BRWD1: variants seen among roughly 807,000 people sequenced by gnomAD.
BRWD1 encodes bromodomain and WD repeat-containing protein 1.
A neutral mutation model predicts 251.2 loss-of-function variants in BRWD1; 82 were observed. The observed-to-expected ratio is 0.33, with a 90% CI of 0.27 to 0.39. The LOEUF is 0.39. Among genes scored for constraint, BRWD1 ranks in the 10% least tolerant of loss-of-function variants. BRWD1 has a pLI of 1.00. For missense variants in BRWD1, 2,233 were observed against 2,711.6 expected, an observed-to-expected ratio of 0.82 and a Z score of 3.92; for synonymous variants, 918 against 902.8, an observed-to-expected ratio of 1.02 and a Z score of -0.30.
At position 39,202,625 on chromosome 21, in the gene BRWD1, A is replaced by C. The variant is rs1312912100; in HGVS notation, c.4365-80T>G. 3.2e-6 allele frequency: 3 copies of C among 933,218 alleles called. No homozygotes were observed. The Admixed American group carries it at 8.2e-5, about 25-fold the overall frequency. 57.8% of individuals were successfully genotyped at this position (933,218 alleles called of 1,614,324 possible). The stretch of plus-strand genomic sequence containing the variant: ...GGTTCACAGAGAATGACTAAATAGA[A>C]GTATATCATATTTCTTAAACTGAGA... On this transcript the variant is annotated intron_variant, in intron 37 of 40. Coordinates refer to ENST00000342449, the MANE Select transcript of BRWD1 (RefSeq NM_033656.4).
At chr21:39,312,633 C>T (rs2036528998) in intron 4 of BRWD1, 2 of 395,408 alleles carry the variant, frequency 5.1e-6, no homozygotes, top group Admixed American at 4.6e-5. Flanking sequence ...CGCCCCGCGC[C>T]GCCCCCAATG....
Position 39,310,985 on chromosome 21 carries a change from G to A in BRWD1, c.198+1856C>T, listed in dbSNP as rs551443353. The stretch of plus-strand genomic sequence containing the variant: ...TCACTCAGTCCTGGGGGACTGGAGG[G>A]CAGAGAGGAAGGTAAAAAAAGAAAG... On this transcript the variant is annotated intron_variant, in intron 4 of 40. Coordinates refer to ENST00000342449, the MANE Select transcript of BRWD1 (RefSeq NM_033656.4). Among the ~76,000 whole-genome samples the A allele has an allele frequency of 9.5e-4, 144 of 152,112 alleles. 3 individuals carry two copies. Among genetic ancestry groups the A allele is most frequent in the Non-Finnish European group, 1.9e-3 (127 of 68,026 alleles).
At position 39,188,074 on chromosome 21, in the gene BRWD1, G is replaced by A. The variant is rs543947526; in HGVS notation, c.*8185C>T. 83 of 985,268 alleles carry A rather than the reference G, an allele frequency of 8.4e-5. No individual in the cohort carries two copies. Among genetic ancestry groups the A allele is most frequent in the Non-Finnish European group, 9.5e-5 (79 of 829,922 alleles). 61.0% of individuals were successfully genotyped at this position (985,268 alleles called of 1,614,324 possible). A position where few individuals can be genotyped will look rare whatever the true frequency, so the allele number is the denominator to read the frequency against. On this transcript the variant is annotated 3_prime_UTR_variant, in exon 41 of 41. Coordinates refer to ENST00000342449, the MANE Select transcript of BRWD1 (RefSeq NM_033656.4). Reference sequence around the variant, plus strand: ...CACATGATGCCAGAGCTACTACTCCGTGCTGACCAAACTTAGGAGGGCTCA... The same window carrying A: ...CACATGATGCCAGAGCTACTACTCCATGCTGACCAAACTTAGGAGGGCTCA...
At chr21:39,227,753 G>A (rs2033439609) in intron 27 of BRWD1, among the ~76,000 whole-genome samples, 1 of 152,038 alleles carries the variant, frequency 6.6e-6, no homozygotes, top group Non-Finnish European at 1.5e-5. Context: ...TAAAATAATT[G>A]GGTATACCAG....
Position 39,224,480 on chromosome 21 carries a change from A to C in BRWD1, c.3321-11T>G. On this transcript the variant is annotated splice_polypyrimidine_tract_variant and intron_variant, in intron 28 of 40. Transcript: ENST00000342449. ...TCAGTATTATCCCACCTGTTAAAAA[A>C]CAACAAATCTCTGGTTAGCCTTTCA... 1 of 1,584,428 alleles carries C rather than the reference A, an allele frequency of 6.3e-7. No individual in the cohort carries two copies. The highest frequency in any genetic ancestry group is 1.2e-5 in the South Asian group (1 of 85,724).
chr21:39,200,088 T>C (rs2032032724), intron 39 of BRWD1, 131 bp downstream of exon 39: 5 of 912,278 alleles, frequency 5.5e-6, no homozygotes, highest in Non-Finnish European at 7.9e-6. Context: ...TTCATTTCCT[T>C]CCTAAATCTA....
intron 4 of BRWD1, among the ~76,000 whole-genome samples, chr21:39,310,347 C>A (rs1333917109): frequency 1.3e-5 from 2 of 152,160 alleles, no homozygotes; most frequent in African/African-American, 4.8e-5. Context: ...GAAACCCCTT[C>A]TCCACTAAAA....
At chr21:39,226,752 G>T (rs925725291) in intron 27 of BRWD1, among the ~76,000 whole-genome samples, 1 of 152,130 alleles carries the variant, frequency 6.6e-6, no homozygotes, top group Non-Finnish European at 1.5e-5. Flanking sequence ...GGAGCCACAC[G>T]CCCTGACAAT....
intron 29 of BRWD1, among the ~76,000 whole-genome samples, chr21:39,221,219 A>G (rs535957110): frequency 6.6e-6 from 1 of 152,048 alleles, no homozygotes; most frequent in Non-Finnish European, 1.5e-5. Context: ...CTGAATGTAT[A>G]TCATCATTGA....
In BRWD1 at chr21:39,186,020, A is replaced by C. The variant is rs183870421; in HGVS notation, c.*10239T>G. The C allele has an allele frequency of 6.6e-6, 1 of 152,334 alleles. No homozygotes were observed. Among genetic ancestry groups the C allele is most frequent in the East Asian group, 1.9e-4 (1 of 5,194 alleles). The allele number at this position is 152,334 out of a possible 1,614,324, so 9.4% of individuals were successfully genotyped here. A position where few individuals can be genotyped will look rare whatever the true frequency, so the allele number is the denominator to read the frequency against. ...ATCCTAGTACAGGCCACAATGAAAT[A>C]GGCCAAACATGCTACCATTAAAGTT... is the stretch of plus-strand genomic sequence containing the variant. On this transcript the variant is annotated 3_prime_UTR_variant, in exon 41 of 41. Transcript: ENST00000342449.
chr21:39,234,588 A>T (rs1385826027), intron 23 of BRWD1, among the ~76,000 whole-genome samples: 1 of 152,188 alleles, frequency 6.6e-6, no homozygotes, highest in Non-Finnish European at 1.5e-5. Context: ...AAAAAGCATA[A>T]TATGAGACCC....
chr21:39,318,950 A>T (rs1418045607), intron 1 of BRWD1, among the ~76,000 whole-genome samples: 3 of 151,980 alleles, frequency 2.0e-5, no homozygotes, highest in Non-Finnish European at 2.9e-5. Context: ...TTATTTATTT[A>T]TTTTTTAGAG....
chr21:39,269,628 T>A (rs2035038929), intron 15 of BRWD1, among the ~76,000 whole-genome samples: 1 of 152,216 alleles, frequency 6.6e-6, no homozygotes, highest in Admixed American at 6.5e-5. Context: ...GTTTTTACAA[T>A]TGCCATACTT....
rs749785280 is a variant in BRWD1 at position 39,196,968 on chromosome 21, T to C, written c.6101A>G (p.Asn2034Ser). Residue 2034 changes from asparagine to serine, a missense_variant, in exon 41 of 41, where the codon AAT becomes AGT. Physicochemically the swap from Asn to Ser is conservative, Grantham distance 46. Transcript: ENST00000342449. Reference sequence around the variant, plus strand: ...AGAAGGTGCATCTATTTTGTGAATATTGGTATGCCTGTGCTTGTGTTCTGA... The same window carrying C: ...AGAAGGTGCATCTATTTTGTGAATACTGGTATGCCTGTGCTTGTGTTCTGA... Reference protein sequence around the residue: ...LNSEHKHRHTNIHKIDAPSKR... With the variant: ...LNSEHKHRHTSIHKIDAPSKR... The C allele has an allele frequency of 2.0e-5, 33 of 1,614,038 alleles. No individual in the cohort carries two copies. The highest frequency in any genetic ancestry group is 1.1e-4 in the South Asian group (10 of 91,086).
rs764111328 is a variant in BRWD1, at chr21:39,215,322, G to A, written c.3700C>T (p.His1234Tyr). 1 of 1,613,250 alleles carries A rather than the reference G, an allele frequency of 6.2e-7. No homozygotes were observed. Among genetic ancestry groups the A allele is most frequent in the South Asian group, 1.1e-5 (1 of 91,068 alleles). ...ALVWEVRYIE[H>Y]NARTFNEPES... Reference sequence around the variant, plus strand: ...GGTTCGTTAAATGTTCTGGCATTATGTTCTATATATCTGACTTCCCAAACT... The same window carrying A: ...GGTTCGTTAAATGTTCTGGCATTATATTCTATATATCTGACTTCCCAAACT... The change falls in exon 32 of 41, where the codon CAT becomes TAT. Residue 1234 changes from histidine to tyrosine, a missense_variant. By Grantham distance (83) the His-to-Tyr change is moderately conservative. This residue lies in a region of BRWD1 where 167 missense variants were observed against 183.2 expected (regional missense o/e 0.91). Transcript: ENST00000342449.
chr21:39,190,209 A>T lies in BRWD1; in HGVS notation c.*6050T>A. 1.0e-6 allele frequency: 1 copy of T among 979,242 alleles called. No individual in the cohort carries two copies. Among genetic ancestry groups the T allele is most frequent in the Non-Finnish European group, 1.2e-6 (1 of 826,460 alleles). The allele number at this position is 979,242 out of a possible 1,614,324, so 60.7% of individuals were successfully genotyped here. A position where few individuals can be genotyped will look rare whatever the true frequency, so the allele number is the denominator to read the frequency against. On this transcript the variant is annotated 3_prime_UTR_variant, in exon 41 of 41. Coordinates refer to ENST00000342449, the MANE Select transcript of BRWD1 (RefSeq NM_033656.4). ...AATCTCTAGTTTCTACATTTCAAGG[A>T]TTAATCATATTCTAATTAGACTTTT...
chr21:39,313,275 T>C lies in BRWD1; in HGVS notation c.74A>G (p.Tyr25Cys). 2 of 1,558,774 alleles carry C rather than the reference T, an allele frequency of 1.3e-6. No homozygotes were observed. The highest frequency in any genetic ancestry group is 1.7e-6 in the Non-Finnish European group (2 of 1,147,198). ...ESELYFLIAR[Y>C]LSAGPCRRAA... ...TCTCCGACACGGGCCCGCCGATAGG[T>C]ACCGGGCGATAAGGAAGTACAGCTC... Residue 25 changes from tyrosine (Y) to cysteine (C), a missense_variant, in exon 2 of 41, where the codon TAC becomes TGC. Transcript: ENST00000342449.
intron 8 of BRWD1, among the ~76,000 whole-genome samples, chr21:39,289,088 C>A (rs1027503313): frequency 6.6e-6 from 1 of 152,176 alleles, no homozygotes; most frequent in Admixed American, 6.5e-5. Flanking sequence ...ATTTAATGTA[C>A]TTGCAAGTAA....
intron 21 of BRWD1, 134 bp from the exon 22 acceptor site, chr21:39,238,707 A>T (rs1414801966): frequency 1.7e-6 from 1 of 588,286 alleles, no homozygotes; most frequent in East Asian, 2.9e-5. Context: ...GTAAATATAT[A>T]ATCAGATAAA....
Sources: allele counts gnomAD v4.1 joint callset (sites outside exome capture counted in the v4.1 genomes callset), GRCh38; gene constraint gnomAD v4.1.1; regional missense constraint gnomAD v4.1.1; transcripts MANE v1.5; gene names NCBI Gene and HGNC (gene_info 2026-07-23, HGNC 2026-07-21).